KCNK16: variants seen among roughly 807,000 people sequenced by gnomAD.
The protein encoded by KCNK16 is potassium two pore domain channel subfamily K member 16, also known as potassium channel subfamily K member 16.
KCNK16 carries 23 observed loss-of-function variants against 23.0 expected under a neutral mutation model. The observed-to-expected ratio is 1.00, with a 90% CI of 0.72 to 1.41. The LOEUF is 1.41. Ranked by LOEUF, KCNK16 falls within the 40% of genes most tolerant of loss-of-function variation. KCNK16 has a pLI of 0.00. For synonymous variants in KCNK16, 145 were observed against 153.5 expected (o/e 0.94, Z 0.41); for missense variants, 327 against 365.8 (o/e 0.89, Z 0.87).
At chr6:39,318,096 A>G (rs1762394921) in intron 2 of KCNK16, 144 bp from the exon 3 acceptor site, 1 of 754,480 alleles carries the variant, frequency 1.3e-6, no homozygotes, top group Admixed American at 3.8e-5. Context: ...ACTCTGCTGG[A>G]ATGATTTTTA....
rs571878886 is a variant in KCNK16, at chr6:39,316,188, G to A, written c.*31C>T. 2 of 1,494,252 alleles carry A rather than the reference G, an allele frequency of 1.3e-6. No homozygotes were observed. The highest frequency in any genetic ancestry group is 2.5e-5 in the East Asian group (1 of 40,440). 92.6% of individuals were successfully genotyped at this position (1,494,252 alleles called of 1,614,324 possible). ...CAGATAGGGTGGGACTGGGGAGGAT[G>A]AAAGGGGTTTCTGGGCCCCCCCCGG... is the stretch of plus-strand genomic sequence containing the variant. On this transcript the variant is annotated 3_prime_UTR_variant, in exon 5 of 5. Coordinates refer to ENST00000437525, the MANE Select transcript of KCNK16 (RefSeq NM_001135106.2).
At chr6:39,314,855 A>G (rs1397201023), downstream of KCNK16, 2 of 800,282 alleles carry the variant, frequency 2.5e-6, no homozygotes, top group Non-Finnish European at 4.0e-6. Context: ...GAGGGACCCC[A>G]GCTGATTGCC....
Position 39,322,433 on chromosome 6 carries a change from C to T in KCNK16, c.108G>A (p.Glu36=), listed in dbSNP as rs894531413. The change falls in exon 1 of 5, where the codon GAG becomes GAA. Residue 36 remains glutamate (E), a synonymous_variant. Transcript: ENST00000437525. ...LLGATIFQLL[E]RQAEAQSRDQ... is the part of the protein sequence containing the mutation. ...CCCTGGACTGAGCCTCCGCCTGCCT[C>T]TCTAGCAGCTGGAAGATAGTGGCAC... is the stretch of plus-strand genomic sequence containing the variant. The T allele has an allele frequency of 2.5e-6, 4 of 1,614,118 alleles. No individual in the cohort carries two copies. Among genetic ancestry groups the T allele is most frequent in the Non-Finnish European group, 3.4e-6 (4 of 1,180,056 alleles).
At chr6:39,315,567 C>A (rs755890977), downstream of KCNK16, 4 of 700,724 alleles carry the variant, frequency 5.7e-6, no homozygotes, top group East Asian at 8.2e-5. Flanking sequence ...GCCTGCCCCT[C>A]GGCTGAGAGC....
chr6:39,320,774 C>T (rs549134154), intron 1 of KCNK16, among the ~76,000 whole-genome samples: 1 of 152,112 alleles, frequency 6.6e-6, no homozygotes, highest in Non-Finnish European at 1.5e-5. Flanking sequence ...GTTAGCAGAG[C>T]GAGTTAGGTT....
Position 39,316,929 on chromosome 6 carries a change from G to C in KCNK16, c.514C>G (p.Leu172Val), listed in dbSNP as rs61745897. Residue 172 changes from leucine (L) to valine (V), a missense_variant, in exon 4 of 5, where the codon CTG (leucine) becomes GTG (valine). Physicochemically the swap from Leu to Val is conservative, Grantham distance 32. Transcript: ENST00000437525. ...GTCCCCAGGGTCAGGAACAGAGCCAGGCCCAGGACTTGCAGTACCTAGGAG... is the reference window on the plus strand; with the variant it reads ...GTCCCCAGGGTCAGGAACAGAGCCACGCCCAGGACTTGCAGTACCTAGGAG... ...RRSQVLQVLG[L>V]ALFLTLGTLV... 4,023 of 1,613,488 alleles carry C rather than the reference G, an allele frequency of 2.5e-3. 3 individuals carry two copies. The highest frequency in any genetic ancestry group is 3.0e-3 in the Non-Finnish European group (3,557 of 1,179,918).
chr6:39,318,650 G>A (rs909390845), intron 2 of KCNK16, among the ~76,000 whole-genome samples: 3 of 152,138 alleles, frequency 2.0e-5, no homozygotes, highest in African/African-American at 7.2e-5. Context: ...AGTATGCTTG[G>A]TCTATGGGAA....
At chr6:39,317,080 CG>C (rs1374243413) in intron 3 of KCNK16, 133 bp from the exon 4 acceptor site, 25 of 875,598 alleles carry the variant, frequency 2.9e-5, no homozygotes, top group Non-Finnish European at 4.3e-5. Flanking sequence ...TGCAGACCCT[CG>C]AGGTGGAGGT....
chr6:39,322,280 C>T (rs769786650), intron 1 of KCNK16, 48 bp downstream of exon 1: 6 of 1,582,576 alleles, frequency 3.8e-6, no homozygotes, highest in Non-Finnish European at 5.2e-6. Flanking sequence ...CCCATTCCAC[C>T]AACCTTCCCA....
chr6:39,315,352 C>T (rs1762268028), downstream of KCNK16: 2 of 1,551,850 alleles, frequency 1.3e-6, no homozygotes, highest in East Asian at 4.9e-5. Flanking sequence ...TCTGCTGGCT[C>T]TCTGGCTTCC....
chr6:39,321,420 A>G (rs1376148547), intron 1 of KCNK16, among the ~76,000 whole-genome samples: 1 of 152,186 alleles, frequency 6.6e-6, no homozygotes, highest in Non-Finnish European at 1.5e-5. Flanking sequence ...TAGGGATTGT[A>G]ATAGGTAATT....
chr6:39,315,208 C>T (rs1408040495), downstream of KCNK16: 3 of 1,614,058 alleles, frequency 1.9e-6, no homozygotes, highest in African/African-American at 2.7e-5. Context: ...ATTTCCAGGC[C>T]CCGGGATGGA....
In KCNK16 at chr6:39,316,429, G is replaced by C. The variant is rs1762319769; in HGVS notation, c.675C>G (p.Ser225Arg). 1.2e-6 allele frequency: 2 copies of C among 1,603,814 alleles called. No individual in the cohort carries two copies. The highest frequency in any genetic ancestry group is 1.7e-6 in the Non-Finnish European group (2 of 1,173,130). Residue 225 changes from serine (S) to arginine (R), a missense_variant, in exon 5 of 5, where the codon AGC becomes AGG. Transcript: ENST00000437525. ...FGDYVVGTDP[S>R]KHYISVYRSL... Reference sequence around the variant, plus strand: ...TCCGATACACTGAGATATAATGCTTGCTGGGGTCTGTGCCTGCCAGGGAAG... The same window carrying C: ...TCCGATACACTGAGATATAATGCTTCCTGGGGTCTGTGCCTGCCAGGGAAG...
At position 39,317,996 on chromosome 6, in the gene KCNK16, C is replaced by G. The variant is rs370183128; in HGVS notation, c.329-44G>C. On this transcript the variant is annotated intron_variant, in intron 2 of 4. Coordinates refer to ENST00000437525, the MANE Select transcript of KCNK16 (RefSeq NM_001135106.2). ...GTGTGCAAATATGGAGACTCTAGAA[C>G]GCCCTCTGCTCCTCTTCCCCAGACT... is the stretch of plus-strand genomic sequence containing the variant. 126 of 1,534,308 alleles carry G rather than the reference C, an allele frequency of 8.2e-5. 1 individual carries two copies. In the Middle Eastern group the frequency reaches 1.2e-3, roughly 15 times the overall value.
chr6:39,317,890 A>AG lies in KCNK16; in HGVS notation c.390_391insC (p.Ile133HisfsTer4). The stretch of plus-strand genomic sequence containing the variant: ...AAGATCACGTTAAGCGGGATGCCCA[A>AG]CAGGGCATAGAAGACACAGAAGACC... On this transcript the variant is annotated frameshift_variant, in exon 3 of 5. Transcript: ENST00000437525. LOFTEE classifies it high-confidence loss of function. 6.2e-7 allele frequency: 1 copy of AG among 1,613,910 alleles called. No individual in the cohort carries two copies. The highest frequency in any genetic ancestry group is 8.5e-7 in the Non-Finnish European group (1 of 1,179,908).
chr6:39,316,518 C>T (rs1284773865), intron 4 of KCNK16, 76 bp from the exon 5 acceptor site: 1 of 1,485,426 alleles, frequency 6.7e-7, no homozygotes, highest in African/African-American at 1.4e-5. Context: ...GGGACCCTCA[C>T]CAGCCAGGAT....
At chr6:39,317,008 G>A (rs1269460756) in intron 3 of KCNK16, 61 bp from the exon 4 acceptor site, 4 of 1,525,324 alleles carry the variant, frequency 2.6e-6, no homozygotes, top group Non-Finnish European at 3.5e-6. Context: ...GTATGAGGTT[G>A]GGGGGAGTCT....
chr6:39,322,580 T>C lies in KCNK16; in HGVS notation c.-40A>G. On this transcript the variant is annotated 5_prime_UTR_variant, in exon 1 of 5. Transcript: ENST00000437525. ...CCTGCCAGGGCCGTGGGGCTGGCTA[T>C]GGGGGAGAGGTGGGAAACAGGTGAG... 6.5e-7 allele frequency: 1 copy of C among 1,542,940 alleles called. No individual in the cohort carries two copies. Among genetic ancestry groups the C allele is most frequent in the Non-Finnish European group, 8.7e-7 (1 of 1,148,686 alleles).
intron 1 of KCNK16, among the ~76,000 whole-genome samples, chr6:39,320,255 T>C (rs1010184226): frequency 3.3e-5 from 5 of 152,204 alleles, no homozygotes; most frequent in Admixed American, 3.3e-4. Context: ...TCTTAAGATG[T>C]GGACTTTGGC....
Sources: allele counts gnomAD v4.1 joint callset (sites outside exome capture counted in the v4.1 genomes callset), GRCh38; gene constraint gnomAD v4.1.1; transcripts MANE v1.5; gene names NCBI Gene and HGNC (gene_info 2026-07-23, HGNC 2026-07-21).